The following SLC4A4 variants were observed in gnomAD, a reference collection of about 807,000 sequenced individuals.
The protein encoded by SLC4A4 is solute carrier family 4 member 4.
In SLC4A4, 27 loss-of-function variants were observed where a neutral mutation model predicts 111.5. The ratio of observed to expected loss-of-function variants is 0.24; its 90% CI spans 0.18 to 0.33. The LOEUF (loss-of-function observed/expected upper bound fraction) is 0.33. Ranked by LOEUF, SLC4A4 falls within the 10% of genes least tolerant of loss-of-function variation. The pLI is 1.00. For missense variants in SLC4A4, 909 were observed against 1,315.5 expected (o/e 0.69, Z 4.78); for synonymous variants, 443 against 463.4 (o/e 0.96, Z 0.57).
chr4:71,145,836 C>G (rs188589588), intron 2 of SLC4A4, among the ~76,000 whole-genome samples: 201 of 152,212 alleles, frequency 1.3e-3, no homozygotes, highest in Non-Finnish European at 2.5e-3. Context: ...ATTCTTCTCT[C>G]TTTTCTTCTT....
chr4:71,323,027 G>A (rs1448520564), intron 3 of SLC4A4, among the ~76,000 whole-genome samples: 1 of 151,912 alleles, frequency 6.6e-6, no homozygotes, highest in Non-Finnish European at 1.5e-5. Flanking sequence ...GGCAAGTGCT[G>A]TAAGATTATG....
chr4:71,241,907 G>T (rs1720265744), intron 2 of SLC4A4, among the ~76,000 whole-genome samples: 1 of 152,170 alleles, frequency 6.6e-6, no homozygotes, highest in Non-Finnish European at 1.5e-5. Flanking sequence ...TCTCCTCATG[G>T]CCTCAGCTGA....
chr4:71,085,493 T>C (rs1350041265), intron 1 of SLC4A4, among the ~76,000 whole-genome samples: 1 of 152,104 alleles, frequency 6.6e-6, no homozygotes, highest in African/African-American at 2.4e-5. Flanking sequence ...GCCTATGTAC[T>C]GAATGGTATT....
chr4:71,517,738 T>C (rs1462138279), intron 16 of SLC4A4, among the ~76,000 whole-genome samples: 1 of 152,218 alleles, frequency 6.6e-6, no homozygotes, highest in African/African-American at 2.4e-5. Flanking sequence ...CTAATTTCAG[T>C]CCTTGCAGAA....
intron 14 of SLC4A4, among the ~76,000 whole-genome samples, chr4:71,475,708 A>G (rs890583626): frequency 1.3e-5 from 2 of 151,920 alleles, no homozygotes; most frequent in African/African-American, 4.8e-5. Flanking sequence ...AAGGTATATT[A>G]GCCCCATCTT....
chr4:71,491,736 T>A (rs1276109139), intron 15 of SLC4A4, among the ~76,000 whole-genome samples: 1 of 151,902 alleles, frequency 6.6e-6, no homozygotes, highest in Non-Finnish European at 1.5e-5. Context: ...CACATTTATT[T>A]TAACATTTAA....
intron 16 of SLC4A4, among the ~76,000 whole-genome samples, chr4:71,498,040 A>T (rs373102463): frequency 6.6e-6 from 1 of 152,124 alleles, no homozygotes; most frequent in Non-Finnish European, 1.5e-5. Context: ...AAAACTCTTC[A>T]TGTTTATCAG....
chr4:71,522,417 A>G (rs1207321259), intron 16 of SLC4A4, among the ~76,000 whole-genome samples: 1 of 152,218 alleles, frequency 6.6e-6, no homozygotes. Context: ...TGTGGTGGCA[A>G]ATGAAAACCA....
intron 1 of SLC4A4, among the ~76,000 whole-genome samples, chr4:71,083,535 A>G (rs1471947172): frequency 1.3e-5 from 2 of 151,988 alleles, no homozygotes; most frequent in Non-Finnish European, 2.9e-5. Flanking sequence ...TTTGTCTCCA[A>G]TGTTGAATGA....
At chr4:71,486,869 TTAAAAATACC>T in intron 14 of SLC4A4, 69 bp from the exon 15 acceptor site, 9 of 722,422 alleles carry the variant, frequency 1.2e-5, no homozygotes, top group Non-Finnish European at 1.8e-5. Context: ...AACCCTGCTT[TTAAAAATACC>T]TAATTATGCA....
At chr4:71,190,425 CACACAG>C (rs1319946211) in intron 1 of SLC4A4, among the ~76,000 whole-genome samples, 437 of 144,516 alleles carry the variant, frequency 3.0e-3, no homozygotes, top group Non-Finnish European at 4.2e-3. Context: ...CACACACACA[CACACAG>C]ACACAACTCA....
At position 71,429,837 on chromosome 4, in the gene SLC4A4, C is replaced by T. The variant is rs78469944; in HGVS notation, c.808-10779C>T. Among the ~76,000 whole-genome samples, 234 of 152,170 alleles carry T rather than the reference C, an allele frequency of 1.5e-3. 2 individuals carry two copies. The highest frequency in any genetic ancestry group is 5.3e-3 in the African/African-American group (220 of 41,534). ...ATTCAGTCCAAATGCATTTATTGAG[C>T]GATATCAACCTGATATGAAAGCCGT... On this transcript the variant is annotated intron_variant, in intron 7 of 25. Coordinates refer to ENST00000264485, the MANE Select transcript of SLC4A4 (RefSeq NM_001098484.3).
At chr4:71,106,335 C>A (rs1462883148) in intron 2 of SLC4A4, among the ~76,000 whole-genome samples, 1 of 151,132 alleles carries the variant, frequency 6.6e-6, no homozygotes, top group Non-Finnish European at 1.5e-5. Context: ...GGATTGTAAA[C>A]TAGTTCAACC....
chr4:71,522,038 CCCTGT>C (rs71673478), intron 16 of SLC4A4, among the ~76,000 whole-genome samples: 87,439 of 151,346 alleles, frequency 0.58, 28,039 homozygotes, highest in Non-Finnish European at 0.74. Context: ...ACCTTTTCTA[CCCTGT>C]CTATCAGGTA....
intron 3 of SLC4A4, among the ~76,000 whole-genome samples, chr4:71,297,568 T>TGAATGTATTG (rs1490200840): frequency 7.0e-6 from 1 of 142,162 alleles, no homozygotes; most frequent in Non-Finnish European, 1.5e-5. Context: ...GCAAAAGAAA[T>TGAATGTATTG]GAATGTATTG....
intron 3 of SLC4A4, among the ~76,000 whole-genome samples, chr4:71,335,627 C>T (rs1379537934): frequency 6.6e-6 from 1 of 152,100 alleles, no homozygotes; most frequent in Non-Finnish European, 1.5e-5. Flanking sequence ...AGATCGAGAC[C>T]ATCCTGACTA....
chr4:71,119,091 A>G (rs941964402), intron 2 of SLC4A4, among the ~76,000 whole-genome samples: 1 of 152,240 alleles, frequency 6.6e-6, no homozygotes, highest in Non-Finnish European at 1.5e-5. Context: ...ATGTAGGTTC[A>G]TCAAGTGTAA....
chr4:71,567,093 A>G lies in SLC4A4; in HGVS notation c.*36+10A>G. The G allele has an allele frequency of 6.3e-7, 1 of 1,599,910 alleles. No individual in the cohort carries two copies. The highest frequency in any genetic ancestry group is 8.5e-7 in the Non-Finnish European group (1 of 1,170,552). ...CACTCGGTATGCCAAGGTAAAGGAG[A>G]GCCCAGTATTTTATGTTTTTCTGTG... On this transcript the variant is annotated intron_variant, in intron 25 of 25. Coordinates refer to ENST00000264485, the MANE Select transcript of SLC4A4 (RefSeq NM_001098484.3).
chr4:71,505,397 T>G (rs1254179251), intron 16 of SLC4A4, among the ~76,000 whole-genome samples: 1 of 151,942 alleles, frequency 6.6e-6, no homozygotes, highest in Non-Finnish European at 1.5e-5. Context: ...TTCTGACTGG[T>G]GTGAGAGAGG....
Sources: allele counts gnomAD v4.1 joint callset (sites outside exome capture counted in the v4.1 genomes callset), GRCh38; gene constraint gnomAD v4.1.1; transcripts MANE v1.5; gene names NCBI Gene and HGNC (gene_info 2026-07-23, HGNC 2026-07-21).